The following ITPR1 variants were observed in gnomAD, a reference collection of about 807,000 sequenced individuals.
ITPR1 encodes the protein inositol 1,4,5-trisphosphate receptor type 1, also known as inositol 1,4,5-trisphosphate-gated calcium channel ITPR1.
Under a neutral mutation model 318.4 loss-of-function variants are expected in ITPR1, and 96 were observed. The ratio of observed to expected loss-of-function variants is 0.30; its 90% confidence interval spans 0.26 to 0.36. ITPR1 has a LOEUF of 0.36. Among genes scored for constraint, ITPR1 ranks in the 10% least tolerant of loss-of-function variants. The pLI, the probability that ITPR1 is intolerant of heterozygous loss-of-function variation, is 1.00. For missense variants in ITPR1, 2,440 were observed against 3,460.2 expected (o/e 0.71, Z 7.40); for synonymous variants, 1,312 against 1,289.9 (o/e 1.02, Z -0.37).
chr3:4,716,583 G>A (rs1473673326), intron 39 of ITPR1, among the ~76,000 whole-genome samples: 1 of 152,182 alleles, frequency 6.6e-6, no homozygotes, highest in East Asian at 1.9e-4. Flanking sequence ...AATTACCAAA[G>A]CGTCTTTGCT....
At chr3:4,796,256 C>T (rs925305272) in intron 53 of ITPR1, among the ~76,000 whole-genome samples, 2 of 151,784 alleles carry the variant, frequency 1.3e-5, no homozygotes, top group Admixed American at 6.6e-5. Flanking sequence ...CATCTGAATG[C>T]CCCCGCTCCG....
chr3:4,731,636 G>A (rs1367188686), intron 42 of ITPR1, among the ~76,000 whole-genome samples: 1 of 152,124 alleles, frequency 6.6e-6, no homozygotes, highest in East Asian at 1.9e-4. Flanking sequence ...TCTTTAATTA[G>A]CAGCATGAAT....
chr3:4,673,122 G>C lies in ITPR1; in HGVS notation c.2205-14G>C. 1 of 1,609,002 alleles carries C rather than the reference G, an allele frequency of 6.2e-7. No individual in the cohort carries two copies. The highest frequency in any genetic ancestry group is 1.7e-5 in the Admixed American group (1 of 59,902). ...TCTGGAGCGTGAGCTGTGTGCCCTT[G>C]TTCCTTCCTCTAGATATCAGCTGAA... On this transcript the variant is annotated splice_polypyrimidine_tract_variant and intron_variant, in intron 20 of 61. Transcript: ENST00000649015.
chr3:4,809,776 G>A (rs562788921), intron 55 of ITPR1, among the ~76,000 whole-genome samples: 5 of 152,232 alleles, frequency 3.3e-5, no homozygotes, highest in Admixed American at 6.5e-5. Context: ...TAATCTCTGC[G>A]GTCCTTAACC....
chr3:4,682,657 C>T (rs939689132), intron 26 of ITPR1, among the ~76,000 whole-genome samples: 1 of 152,192 alleles, frequency 6.6e-6, no homozygotes, highest in African/African-American at 2.4e-5. Context: ...TCACTCAGCT[C>T]TCCCGCCATT....
At chr3:4,617,120 A>G (rs759988489) in intron 4 of ITPR1, among the ~76,000 whole-genome samples, 14 of 152,116 alleles carry the variant, frequency 9.2e-5, no homozygotes, top group Non-Finnish European at 8.8e-5. Context: ...GACTTATACC[A>G]GTTGCCACTC....
At chr3:4,661,639 GGGAA>G (rs2093834989) in intron 14 of ITPR1, among the ~76,000 whole-genome samples, 1 of 152,120 alleles carries the variant, frequency 6.6e-6, no homozygotes, top group Admixed American at 6.5e-5. Flanking sequence ...TGTGGCATTG[GGGAA>G]GGTTATTGAA....
At chr3:4,538,986 C>T (rs1304321069) in intron 4 of ITPR1, among the ~76,000 whole-genome samples, 1 of 152,082 alleles carries the variant, frequency 6.6e-6, no homozygotes, top group Non-Finnish European at 1.5e-5. Flanking sequence ...CACATATTTA[C>T]CTATGTAACA....
intron 52 of ITPR1, among the ~76,000 whole-genome samples, chr3:4,792,805 G>A (rs2047655832): frequency 6.6e-6 from 1 of 152,330 alleles, no homozygotes; most frequent in East Asian, 1.9e-4. Flanking sequence ...TTATTTATTA[G>A]TAACAGGTTG....
At chr3:4,618,254 A>G (rs1350778116) in intron 4 of ITPR1, among the ~76,000 whole-genome samples, 1 of 152,216 alleles carries the variant, frequency 6.6e-6, no homozygotes, top group East Asian at 1.9e-4. Flanking sequence ...TAAACATAAC[A>G]GTATGACACC....
chr3:4,814,395 T>C (rs771021534), intron 57 of ITPR1, 28 bp from the exon 58 acceptor site: 8 of 1,613,166 alleles, frequency 5.0e-6, no homozygotes, highest in African/African-American at 4.0e-5. Context: ...TCACGTTTTC[T>C]CTCTGTTGTT....
intron 44 of ITPR1, among the ~76,000 whole-genome samples, chr3:4,744,247 T>C (rs1001476555): frequency 6.6e-6 from 1 of 152,242 alleles, no homozygotes; most frequent in Non-Finnish European, 1.5e-5. Context: ...TGGAAATTTT[T>C]GTAAAGTGAG....
In ITPR1 at chr3:4,700,023, T is replaced by C. The variant is rs2125260753; in HGVS notation, c.4536+82T>C. The C allele has an allele frequency of 1.1e-5, 14 of 1,286,406 alleles. 2 individuals carry two copies. The South Asian group carries it at 1.8e-4, about 17-fold the overall frequency. 79.7% of individuals were successfully genotyped at this position (1,286,406 alleles called of 1,614,324 possible). A position where few individuals can be genotyped will look rare whatever the true frequency, so the allele number is the denominator to read the frequency against. ...TTGATGTGAATTTGGGAGTAAGCAATTGTAAATGAACTGGTCTGCAAGGCA... is the reference window on the plus strand; with the variant it reads ...TTGATGTGAATTTGGGAGTAAGCAACTGTAAATGAACTGGTCTGCAAGGCA... On this transcript the variant is annotated intron_variant, in intron 35 of 61. Transcript: ENST00000649015.
Position 4,662,255 on chromosome 3 carries a change from G to A in ITPR1, c.1412+13G>A, listed in dbSNP as rs11920643. 7.0e-3 allele frequency: 11,041 copies of A among 1,576,854 alleles called. 657 individuals carry two copies. The African/African-American group carries it at 0.13, about 19-fold the overall frequency. On this transcript the variant is annotated intron_variant, in intron 15 of 61. Transcript: ENST00000649015. ...AGAATGAAAGGAGGTGAGCACTCCCGCATGCTCAGCACAGCCGCCCTCCCG... is the reference window on the plus strand; with the variant it reads ...AGAATGAAAGGAGGTGAGCACTCCCACATGCTCAGCACAGCCGCCCTCCCG...
chr3:4,686,356 T>C (rs1169579139), intron 30 of ITPR1, among the ~76,000 whole-genome samples: 2 of 152,250 alleles, frequency 1.3e-5, no homozygotes, highest in Non-Finnish European at 2.9e-5. Flanking sequence ...GCTTAATCCC[T>C]GTCGTAGGTA....
intron 4 of ITPR1, among the ~76,000 whole-genome samples, chr3:4,626,363 C>T (rs553573876): frequency 1.3e-5 from 2 of 152,222 alleles, no homozygotes; most frequent in African/African-American, 4.8e-5. Context: ...TACCTTAAAA[C>T]ACATAGATGC....
At chr3:4,706,519 A>T (rs543513860) in intron 37 of ITPR1, among the ~76,000 whole-genome samples, 168 bp downstream of exon 37, 1 of 152,358 alleles carries the variant, frequency 6.6e-6, no homozygotes, top group Admixed American at 6.5e-5. Flanking sequence ...GTGGGAAGTT[A>T]CTTAGGAATA....
chr3:4,723,615 A>C (rs1000685659), intron 40 of ITPR1, among the ~76,000 whole-genome samples: 1 of 151,716 alleles, frequency 6.6e-6, no homozygotes, highest in African/African-American at 2.4e-5. Flanking sequence ...AGAATTCAAG[A>C]TGCTTCTCTG....
chr3:4,776,382 T>A (rs1040347642), intron 47 of ITPR1, among the ~76,000 whole-genome samples: 58 of 152,202 alleles, frequency 3.8e-4, no homozygotes, highest in African/African-American at 1.3e-3. Context: ...GTATGTTTTT[T>A]AATACCAAAT....
Sources: allele counts gnomAD v4.1 joint callset (sites outside exome capture counted in the v4.1 genomes callset), GRCh38; gene constraint gnomAD v4.1.1; transcripts MANE v1.5; gene names NCBI Gene and HGNC (gene_info 2026-07-23, HGNC 2026-07-21).